The following PDE4D variants were observed in gnomAD, a reference collection of about 807,000 sequenced individuals.
PDE4D encodes the protein 3',5'-cyclic-AMP phosphodiesterase 4D.
A neutral mutation model predicts 87.4 loss-of-function variants in PDE4D; 24 were observed. That is an observed-to-expected ratio of 0.27 (90% CI 0.20 to 0.39). The LOEUF is 0.39. Ranked by LOEUF, PDE4D falls within the 10% of genes least tolerant of loss-of-function variation. The probability of loss-of-function intolerance (pLI) is 1.00; values close to 1 mark genes in which losing one functional copy is unlikely to be tolerated. For synonymous variants in PDE4D, 384 were observed against 383.2 expected (o/e 1.00, Z -0.02); for missense variants, 714 against 1,041.0 (o/e 0.69, Z 4.32).
chr5:59,390,051 C>A (rs542465590), intron 1 of PDE4D, among the ~76,000 whole-genome samples: 2 of 152,016 alleles, frequency 1.3e-5, no homozygotes, highest in East Asian at 3.9e-4. Context: ...ATCTTAAATA[C>A]CCTGATTTGA....
chr5:59,079,106 A>C (rs896532915), intron 5 of PDE4D, among the ~76,000 whole-genome samples: 2 of 152,184 alleles, frequency 1.3e-5, no homozygotes, highest in Non-Finnish European at 2.9e-5. Context: ...GTATTCTGTT[A>C]GAGCAGCACA....
chr5:59,434,250 A>G (rs1796496676), intron 1 of PDE4D, among the ~76,000 whole-genome samples: 4 of 124,862 alleles, frequency 3.2e-5, no homozygotes, highest in African/African-American at 9.0e-5. Context: ...ATGTTCCTAA[A>G]GAAGTCTCAT....
intron 1 of PDE4D, among the ~76,000 whole-genome samples, chr5:59,609,776 G>A (rs909809285): frequency 1.3e-5 from 2 of 152,108 alleles, no homozygotes; most frequent in Non-Finnish European, 2.9e-5. Context: ...AAAGGAATCT[G>A]GTATGAATAA....
chr5:59,873,758 C>T (rs941726583), intron 1 of PDE4D, among the ~76,000 whole-genome samples: 2 of 152,210 alleles, frequency 1.3e-5, no homozygotes, highest in Non-Finnish European at 2.9e-5. Context: ...CATTCGCTTT[C>T]AACTCTGCTG....
chr5:60,098,635 C>A (rs978211432), intron 2 of PDE4D, among the ~76,000 whole-genome samples: 4 of 152,010 alleles, frequency 2.6e-5, no homozygotes, highest in East Asian at 1.9e-4. Context: ...TTGTATCCTG[C>A]AACGTTGCTG....
intron 1 of PDE4D, among the ~76,000 whole-genome samples, chr5:59,612,781 G>A (rs1245918299): frequency 6.6e-6 from 1 of 152,070 alleles, no homozygotes; most frequent in South Asian, 2.1e-4. Flanking sequence ...TGGCATATCA[G>A]GCTGATGCAA....
rs73761535 is a variant in PDE4D at position 59,553,496 on chromosome 5, G to A, written c.456-337528C>T. The stretch of plus-strand genomic sequence containing the variant: ...CTCCCCTTCCTCATAACCTAGCTGC[G>A]AAGCAATTTAATAGGTGTTCCATGA... On this transcript the variant is annotated intron_variant, in intron 1 of 14. Coordinates refer to ENST00000340635, the MANE Select transcript of PDE4D (RefSeq NM_001104631.2). 6.1e-3 allele frequency among the ~76,000 whole-genome samples: 932 copies of A among 152,158 alleles called. 6 individuals are homozygous for A. Among genetic ancestry groups the A allele is most frequent in the African/African-American group, 0.021 (872 of 41,526 alleles).
chr5:59,077,475 C>CTTTT (rs33910828), intron 5 of PDE4D, among the ~76,000 whole-genome samples: 10 of 130,950 alleles, frequency 7.6e-5, no homozygotes, highest in African/African-American at 2.0e-4. Flanking sequence ...TTTTTTTCTT[C>CTTTT]TTTTTTTTTT....
intron 1 of PDE4D, among the ~76,000 whole-genome samples, chr5:59,854,386 T>C (rs1302157687): frequency 6.6e-6 from 1 of 152,116 alleles, no homozygotes; most frequent in Non-Finnish European, 1.5e-5. Context: ...ATTTATCAAC[T>C]CTTTGTCTAT....
At chr5:59,483,538 G>T (rs1804610547) in intron 1 of PDE4D, among the ~76,000 whole-genome samples, 2 of 151,878 alleles carry the variant, frequency 1.3e-5, no homozygotes, top group Non-Finnish European at 2.9e-5. Flanking sequence ...ATTTTTTAGG[G>T]GTGTATTTTT....
intron 1 of PDE4D, among the ~76,000 whole-genome samples, chr5:59,513,718 A>G (rs1019606723): frequency 1.3e-5 from 2 of 152,212 alleles, no homozygotes; most frequent in Non-Finnish European, 2.9e-5. Context: ...AGTAAGTAAG[A>G]ATTTAAGAAA....
chr5:59,413,232 C>A (rs890293259), intron 1 of PDE4D, among the ~76,000 whole-genome samples: 2 of 151,738 alleles, frequency 1.3e-5, no homozygotes, highest in African/African-American at 4.8e-5. Context: ...CCAAGGTGGG[C>A]GGATCACGAG....
intron 1 of PDE4D, among the ~76,000 whole-genome samples, chr5:59,531,330 T>C (rs1010472595): frequency 2.0e-5 from 3 of 152,200 alleles, no homozygotes; most frequent in Non-Finnish European, 4.4e-5. Flanking sequence ...CTATTCAAAA[T>C]TGCATCCCTA....
chr5:59,374,263 A>G (rs1314868099), intron 1 of PDE4D, among the ~76,000 whole-genome samples: 1 of 152,172 alleles, frequency 6.6e-6, no homozygotes, highest in Non-Finnish European at 1.5e-5. Context: ...ACTCACTGGT[A>G]TGCTGTCTTC....
chr5:60,474,105 C>CATATATATATATGTGTATATAT (rs1491252291), intron 1 of PDE4D, among the ~76,000 whole-genome samples: 18 of 31,000 alleles, frequency 5.8e-4, no homozygotes, highest in South Asian at 1.5e-3. Context: ...TTTGAGCTGC[C>CATATATATATATGTGTATATAT]ATATATATAT....
chr5:59,637,877 T>C (rs896720666), intron 1 of PDE4D, among the ~76,000 whole-genome samples: 11 of 152,212 alleles, frequency 7.2e-5, no homozygotes, highest in Non-Finnish European at 1.5e-4. Context: ...TGATTTAATA[T>C]GGACTATAAT....
chr5:59,073,795 A>G (rs1765259944), intron 5 of PDE4D, among the ~76,000 whole-genome samples: 1 of 152,206 alleles, frequency 6.6e-6, no homozygotes, highest in South Asian at 2.1e-4. Context: ...TCTGAGAAAG[A>G]AATCTGTTAA....
chr5:59,736,866 G>C (rs142360094), intron 1 of PDE4D, among the ~76,000 whole-genome samples: 1 of 152,210 alleles, frequency 6.6e-6, no homozygotes, highest in African/African-American at 2.4e-5. Flanking sequence ...TATTTCAAAG[G>C]TAGGATTATA....
intron 1 of PDE4D, among the ~76,000 whole-genome samples, chr5:59,295,371 T>G (rs1453290292): frequency 6.6e-6 from 1 of 152,202 alleles, no homozygotes; most frequent in Non-Finnish European, 1.5e-5. Context: ...AACTGAGGCC[T>G]TTGTGTCAGC....
Sources: gnomAD v4.1 joint callset for allele counts (sites outside exome capture counted in the v4.1 genomes callset) on GRCh38, gnomAD v4.1.1 for gene constraint, MANE v1.5 for transcripts, NCBI Gene and HGNC (gene_info 2026-07-23, HGNC 2026-07-21) for gene names.